The following PKD1 variants were observed in gnomAD, a reference collection of about 807,000 sequenced individuals.
The protein encoded by PKD1 is polycystin 1, transient receptor potential channel interacting.
PKD1 carries 81 observed loss-of-function variants against 361.7 expected under a neutral mutation model. The ratio of observed to expected loss-of-function variants is 0.22; its 90% CI spans 0.19 to 0.27. PKD1 has a LOEUF of 0.27. Ranked by LOEUF, PKD1 falls within the 10% of genes least tolerant of loss-of-function variation. The probability of loss-of-function intolerance (pLI) is 1.00; values close to 1 mark genes in which losing one functional copy is unlikely to be tolerated. For synonymous variants in PKD1, 3,615 were observed against 2,818.3 expected (o/e 1.28, Z -8.95); for missense variants, 6,399 against 6,118.3 (o/e 1.05, Z -1.53).
rs758166235 is a variant in PKD1, at chr16:2,116,104, C to T, written c.1737G>A (p.Pro579=). 1.9e-6 allele frequency: 3 copies of T among 1,551,076 alleles called. No homozygotes were observed. Among genetic ancestry groups the T allele is most frequent in the African/African-American group, 1.4e-5 (1 of 73,850 alleles). The part of the protein sequence containing the change: ...PHEPVEVMVF[P]GLRLSREAFL... Reference sequence around the variant, plus strand: ...AGGCTTCACGGCTCAGACGCAGGCCCGGGAATACCATGACCTGGTGGGCAG... The same window carrying T: ...AGGCTTCACGGCTCAGACGCAGGCCTGGGAATACCATGACCTGGTGGGCAG... The change falls in exon 9 of 46, where the codon CCG becomes CCA. Residue 579 remains proline (P), a synonymous_variant. Coordinates refer to ENST00000262304, the MANE Select transcript of PKD1 (RefSeq NM_001009944.3).
intron 34 of PKD1, among the ~76,000 whole-genome samples, chr16:2,096,420 G>A (rs949509033): frequency 9.9e-5 from 15 of 152,278 alleles, no homozygotes; most frequent in Admixed American, 2.0e-4. Context: ...GCGCTCCGCC[G>A]CCGGCTGCCA....
At chr16:2,125,120 T>C (rs1318087374) in intron 1 of PKD1, among the ~76,000 whole-genome samples, 2 of 152,242 alleles carry the variant, frequency 1.3e-5, no homozygotes, top group African/African-American at 4.8e-5. Flanking sequence ...GCTGTGCTCC[T>C]TTCTATTTAA....
intron 38 of PKD1, 177 bp from the exon 39 acceptor site, chr16:2,092,769 C>G: frequency 1.2e-6 from 1 of 842,276 alleles, no homozygotes; most frequent in Non-Finnish European, 2.0e-6. Context: ...GTCATGGGCC[C>G]GTCCTGTGCA....
chr16:2,102,552 C>T lies in PKD1; in HGVS notation c.9030G>A (p.Leu3010=). ...RWSALQVSVG[L]YTSLCQYFSE... is the part of the protein sequence containing the mutation. Reference sequence around the variant, plus strand: ...TGAAGTACTGGCACAGGGACGTGTACAGGCCCACGGACACCTGCAGCGCCG... The same window carrying T: ...TGAAGTACTGGCACAGGGACGTGTATAGGCCCACGGACACCTGCAGCGCCG... Residue 3010 remains leucine (L), a synonymous_variant, in exon 25 of 46, where the codon CTG becomes CTA. Transcript: ENST00000262304. The T allele has an allele frequency of 6.2e-7, 1 of 1,610,822 alleles. No homozygotes were observed. The highest frequency in any genetic ancestry group is 8.5e-7 in the Non-Finnish European group (1 of 1,179,712).
rs2092661211 is a variant in PKD1 at position 2,117,608 on chromosome 16, C to T, written c.1266G>A (p.Leu422=). Residue 422 remains leucine, a synonymous_variant, in exon 6 of 46, where the codon CTG becomes CTA. Coordinates refer to ENST00000262304, the MANE Select transcript of PKD1 (RefSeq NM_001009944.3). ...IFPGNGHCYR[L]VVEKAAWLQA... is the part of the protein sequence containing the mutation. Reference sequence around the variant, plus strand: ...GCAGCCAGGCCGCCTTCTCCACCACCAGGCGGTAGCAGTGCCCGTTGCCAG... The same window carrying T: ...GCAGCCAGGCCGCCTTCTCCACCACTAGGCGGTAGCAGTGCCCGTTGCCAG... 6.2e-7 allele frequency: 1 copy of T among 1,610,180 alleles called. No homozygotes were observed. Among genetic ancestry groups the T allele is most frequent in the African/African-American group, 1.3e-5 (1 of 74,856 alleles).
At chr16:2,094,233 A>G in intron 34 of PKD1, 23 bp from the exon 35 acceptor site, 1 of 1,442,562 alleles carries the variant, frequency 6.9e-7, no homozygotes, top group Non-Finnish European at 9.7e-7. Context: ...GTAGGCTGTG[A>G]ATTCATCCCG....
At position 2,114,686 on chromosome 16, in the gene PKD1, G is replaced by A. The variant is rs568755614; in HGVS notation, c.2337C>T (p.Thr779=). 5.3e-5 allele frequency: 82 copies of A among 1,539,852 alleles called. No individual in the cohort carries two copies. The highest frequency in any genetic ancestry group is 9.7e-5 in the Admixed American group (5 of 51,524). Residue 779 remains threonine, a synonymous_variant, in exon 11 of 46, where the codon ACC becomes ACT. Transcript: ENST00000262304. ...LRLLAATEQL[T]VLLGLRPNPG... is the part of the protein sequence containing the mutation. Reference sequence around the variant, plus strand: ...GGTTGGGCCTCAAGCCCAGCAGCACGGTGAGCTGTTCCGTGGCTGCAAGCA... The same window carrying A: ...GGTTGGGCCTCAAGCCCAGCAGCACAGTGAGCTGTTCCGTGGCTGCAAGCA...
Position 2,102,237 on chromosome 16 carries a change from T to C in PKD1, c.9221A>G (p.Asn3074Ser). The change falls in exon 26 of 46, where the codon AAC becomes AGC. Residue 3074 changes from asparagine to serine, a missense_variant. Coordinates refer to ENST00000262304, the MANE Select transcript of PKD1 (RefSeq NM_001009944.3). Reference sequence around the variant, plus strand: ...AGCACATGTCAGCATGACGATGTAGTTTACATCCGCTGTCGGCTCCTGTGA... The same window carrying C: ...AGCACATGTCAGCATGACGATGTAGCTTACATCCGCTGTCGGCTCCTGTGA... ...FVFPEPTADV[N>S]YIVMLTCAVC... 5 of 1,526,064 alleles carry C rather than the reference T, an allele frequency of 3.3e-6. No individual in the cohort carries two copies. Among genetic ancestry groups the C allele is most frequent in the Non-Finnish European group, 4.5e-6 (5 of 1,109,154 alleles). 94.5% of individuals were successfully genotyped at this position (1,526,064 alleles called of 1,614,324 possible).
At position 2,096,980 on chromosome 16, in the gene PKD1, T is replaced by G. The variant is rs571758195; in HGVS notation, c.10499+168A>C. On this transcript the variant is annotated intron_variant, in intron 34 of 45. Coordinates refer to ENST00000262304, the MANE Select transcript of PKD1 (RefSeq NM_001009944.3). ...AGGTTCTGGGGCCCTGGGGATCCCA[T>G]GAGGCTCTTTCCACAGACAACAGAG... 5.5e-5 allele frequency: 35 copies of G among 630,712 alleles called. 1 individual carries two copies. The highest frequency in any genetic ancestry group is 5.5e-4 in the South Asian group (30 of 54,828). 39.1% of individuals were successfully genotyped at this position (630,712 alleles called of 1,614,324 possible). A position where few individuals can be genotyped will look rare whatever the true frequency, so the allele number is the denominator to read the frequency against.
At chr16:2,124,540 T>C (rs1163962902) in intron 1 of PKD1, among the ~76,000 whole-genome samples, 1 of 152,112 alleles carries the variant, frequency 6.6e-6, no homozygotes, top group African/African-American at 2.4e-5. Flanking sequence ...TCCCTGGGTG[T>C]GGGGCAGCTC....
At chr16:2,093,122 C>T (rs779977417) in intron 37 of PKD1, 29 bp from the exon 38 acceptor site, 14 of 1,611,140 alleles carry the variant, frequency 8.7e-6, no homozygotes, top group Non-Finnish European at 1.2e-5. Context: ...CTGTGGTCAG[C>T]CTGGCCCCAG....
At chr16:2,123,143 G>A (rs1208966432) in intron 1 of PKD1, among the ~76,000 whole-genome samples, 1 of 152,164 alleles carries the variant, frequency 6.6e-6, no homozygotes, top group Non-Finnish European at 1.5e-5. Context: ...AGCCCTGCCT[G>A]TCACCGGTTC....
Position 2,088,881 on chromosome 16 carries a change from G to GCGCGCACACACACACACA in PKD1, c.*845_*846insTGTGTGTGTGTGTGCGCG, listed in dbSNP as rs142285430. 4.3e-5 allele frequency: 18 copies of GCGCGCACACACACACACA among 421,376 alleles called. No individual in the cohort carries two copies. The highest frequency in any genetic ancestry group is 3.1e-4 in the African/African-American group (14 of 44,576). 26.1% of individuals were successfully genotyped at this position (421,376 alleles called of 1,614,324 possible). ...ACAGCACACTCGCGCGTGCGCGCGC[G>GCGCGCACACACACACACA]CACACACACACACACACAGTCACCT... On this transcript the variant is annotated 3_prime_UTR_variant, in exon 46 of 46. Coordinates refer to ENST00000262304, the MANE Select transcript of PKD1 (RefSeq NM_001009944.3).
rs1396674495 is a variant in PKD1 at position 2,090,550 on chromosome 16, T to TGGGCCACGCTCCAGAGGG, written c.12161_12178dup (p.Ala4059_Gln4060insProLeuTrpSerValAla). Reference sequence around the variant, plus strand: ...CCCAGGGCACAGCACCAACAGGGCCTGGGCCACGCTCCAGAGGGAGTCCAC... The same window carrying TGGGCCACGCTCCAGAGGG: ...CCCAGGGCACAGCACCAACAGGGCCTGGGCCACGCTCCAGAGGGGGGCCACGCTCCAGAGGGAGTCCAC... On this transcript the variant is annotated inframe_insertion, in exon 45 of 46. Transcript: ENST00000262304. 8.7e-6 allele frequency: 14 copies of TGGGCCACGCTCCAGAGGG among 1,609,878 alleles called. No individual in the cohort carries two copies. The highest frequency in any genetic ancestry group is 1.3e-5 in the African/African-American group (1 of 75,006).
Position 2,091,017 on chromosome 16 carries a change from C to T in PKD1, c.11870G>A (p.Gly3957Asp), listed in dbSNP as rs536586062. ...ACGGGTCCACTGGCGGTCAGCGGCA[C>T]CCAGCTGGGCGAGGCGTACCAGTGC... is the stretch of plus-strand genomic sequence containing the variant. ...ATALVRLAQL[G>D]AADRQWTRFV... is the part of the protein sequence containing the mutation. The change falls in exon 43 of 46, where the codon GGT becomes GAT. Residue 3957 changes from glycine to aspartate, a missense_variant. Gly to Asp is a moderately conservative substitution (Grantham distance 94). Transcript: ENST00000262304. 573 of 1,532,946 alleles carry T rather than the reference C, an allele frequency of 3.7e-4. 7 individuals are homozygous for T. The Middle Eastern group carries it at 7.5e-3, about 20-fold the overall frequency. 95.0% of individuals were successfully genotyped at this position (1,532,946 alleles called of 1,614,324 possible).
In PKD1 at chr16:2,091,461, G is replaced by T; in HGVS notation, c.11674C>A (p.Arg3892Ser). The T allele has an allele frequency of 7.9e-7, 1 of 1,265,156 alleles. No homozygotes were observed. The allele number at this position is 1,265,156 out of a possible 1,614,324, so 78.4% of individuals were successfully genotyped here. A position where few individuals can be genotyped will look rare whatever the true frequency, so the allele number is the denominator to read the frequency against. Residue 3892 changes from arginine (R) to serine (S), a missense_variant, in exon 42 of 46, where the codon CGC becomes AGC. Coordinates refer to ENST00000262304, the MANE Select transcript of PKD1 (RefSeq NM_001009944.3). ...GGCAGCGAGAGGCCCGCGCTGAGGC[G>T]GCGCAGCGCAAAGGGGCGGACGCTG... is the stretch of plus-strand genomic sequence containing the variant. ...ALSVRPFALR[R>S]LSAGLSLPLL...
chr16:2,090,199 G>A lies in PKD1; in HGVS notation c.12445-5C>T. 2.5e-6 allele frequency: 4 copies of A among 1,606,366 alleles called. No homozygotes were observed. Among genetic ancestry groups the A allele is most frequent in the Non-Finnish European group, 3.4e-6 (4 of 1,176,552 alleles). On this transcript the variant is annotated splice_polypyrimidine_tract_variant and splice_region_variant and intron_variant, in intron 45 of 45. Transcript: ENST00000262304. ...AAAGCGGACTTTGTGGCGGAACTGG[G>A]GGCGGCACAGGGGCTCAGTCAGTCC...
chr16:2,089,827 G>T lies in PKD1; in HGVS notation c.12812C>A (p.Pro4271His). 1.2e-6 allele frequency: 2 copies of T among 1,603,616 alleles called. No homozygotes were observed. The highest frequency in any genetic ancestry group is 1.7e-6 in the Non-Finnish European group (2 of 1,175,872). Residue 4271 changes from proline (P) to histidine (H), a missense_variant, in exon 46 of 46, where the codon CCC becomes CAC. Physicochemically the swap from Pro to His is moderately conservative, Grantham distance 77. Coordinates refer to ENST00000262304, the MANE Select transcript of PKD1 (RefSeq NM_001009944.3). ...CCGACTGGCCCGGGCAAGGCGGCTG[G>T]GCAGTGCTGGCCGCAGGCCCGGGGA... ...GPSPGLRPAL[P>H]SRLARASRGV...
intron 34 of PKD1, chr16:2,094,573 A>T: frequency 2.7e-6 from 1 of 369,498 alleles, no homozygotes; most frequent in South Asian, 2.6e-5. Context: ...TCCAACAAGC[A>T]TCTCTACAAT....
Sources: allele counts gnomAD v4.1 joint callset (sites outside exome capture counted in the v4.1 genomes callset), GRCh38; gene constraint gnomAD v4.1.1; transcripts MANE v1.5; gene names NCBI Gene and HGNC (gene_info 2026-07-23, HGNC 2026-07-21).